RALYL: variants seen among roughly 807,000 people sequenced by gnomAD.
RALYL encodes RNA-binding Raly-like protein.
A neutral mutation model predicts 35.1 loss-of-function variants in RALYL; 29 were observed. That is an observed-to-expected ratio of 0.83 (90% CI 0.61 to 1.13). The LOEUF (loss-of-function observed/expected upper bound fraction) is 1.13, where lower values mean the gene tolerates loss of function less well. Ranked by LOEUF, RALYL falls within the 50% of genes most tolerant of loss-of-function variation. RALYL has a pLI of 0.00. For synonymous variants in RALYL, 120 were observed against 127.6 expected (o/e 0.94, Z 0.40); for missense variants, 359 against 360.4 (o/e 1.00, Z 0.03).
chr8:84,635,913 G>T (rs1824966685), intron 2 of RALYL, among the ~76,000 whole-genome samples: 1 of 151,626 alleles, frequency 6.6e-6, no homozygotes, highest in Admixed American at 6.6e-5. Context: ...AGTATCTTTG[G>T]TTTTCTTAAT....
chr8:84,604,065 GCTTCTTCCACCCTCACAGTTTTAT>G (rs1220179567), intron 2 of RALYL, among the ~76,000 whole-genome samples: 1 of 151,996 alleles, frequency 6.6e-6, no homozygotes, highest in Non-Finnish European at 1.5e-5. Context: ...GCTAATCATA[GCTTCTTCCACCCTCACAGTTTTAT>G]CTTACCAATT....
At chr8:84,860,964 T>G (rs1837984009) in intron 5 of RALYL, among the ~76,000 whole-genome samples, 1 of 152,222 alleles carries the variant, frequency 6.6e-6, no homozygotes, top group Admixed American at 6.5e-5. Context: ...ATCTTAACTT[T>G]TATTATATTT....
chr8:84,250,388 A>G (rs1431255048), intron 1 of RALYL, among the ~76,000 whole-genome samples: 1 of 151,772 alleles, frequency 6.6e-6, no homozygotes, highest in East Asian at 1.9e-4. Context: ...TTTTTGAGAC[A>G]GAGTTTTGCT....
intron 2 of RALYL, among the ~76,000 whole-genome samples, chr8:84,595,598 G>A (rs888024221): frequency 2.6e-5 from 4 of 151,968 alleles, no homozygotes; most frequent in Non-Finnish European, 5.9e-5. Context: ...GAATCTTAAT[G>A]TTAAACAAAA....
chr8:84,628,019 G>A (rs188713344), intron 2 of RALYL, among the ~76,000 whole-genome samples: 1 of 151,996 alleles, frequency 6.6e-6, no homozygotes, highest in East Asian at 1.9e-4. Flanking sequence ...TCTATTCTCT[G>A]GAATCTCAAA....
chr8:84,270,865 C>A (rs1039086240), intron 1 of RALYL, among the ~76,000 whole-genome samples: 37 of 152,002 alleles, frequency 2.4e-4, no homozygotes, highest in Admixed American at 3.3e-4. Flanking sequence ...TAAGGGATCT[C>A]ATGGGATATT....
chr8:84,572,230 T>G (rs553502981), intron 2 of RALYL, among the ~76,000 whole-genome samples: 83 of 151,632 alleles, frequency 5.5e-4, no homozygotes, highest in African/African-American at 1.8e-3. Context: ...GTTGTTTGTT[T>G]TTTGTTTTTG....
At chr8:84,798,246 T>C (rs1318114099) in intron 3 of RALYL, among the ~76,000 whole-genome samples, 1 of 151,946 alleles carries the variant, frequency 6.6e-6, no homozygotes, top group Non-Finnish European at 1.5e-5. Context: ...CTCCAATATA[T>C]CCCAACCTAT....
intron 2 of RALYL, among the ~76,000 whole-genome samples, chr8:84,692,396 A>C (rs10103811): frequency 0.052 from 7,964 of 152,090 alleles, 473 homozygotes; most frequent in African/African-American, 0.14. Context: ...TAGCAATCAA[A>C]CATAGAATAT....
At chr8:84,239,404 AC>A (rs1332946592) in intron 1 of RALYL, among the ~76,000 whole-genome samples, 1 of 152,206 alleles carries the variant, frequency 6.6e-6, no homozygotes, top group African/African-American at 2.4e-5. Context: ...AGAAAAATAT[AC>A]CTCAGTTAAT....
intron 4 of RALYL, among the ~76,000 whole-genome samples, chr8:84,814,004 G>T (rs1018494344): frequency 2.0e-5 from 3 of 150,788 alleles, no homozygotes; most frequent in Non-Finnish European, 4.4e-5. Context: ...GCAGTGCTTG[G>T]TTTTTTATCC....
At chr8:84,229,212 C>T (rs958799494) in intron 1 of RALYL, among the ~76,000 whole-genome samples, 4 of 152,116 alleles carry the variant, frequency 2.6e-5, no homozygotes, top group Non-Finnish European at 1.5e-5. Context: ...TTGATAGACA[C>T]CATGATCAGA....
intron 1 of RALYL, among the ~76,000 whole-genome samples, chr8:84,371,570 C>G (rs1855718348): frequency 2.7e-5 from 4 of 148,164 alleles, no homozygotes; most frequent in African/African-American, 1.0e-4. Context: ...CACACACACA[C>G]ACAGAAAGAG....
chr8:84,617,189 G>A (rs1819955896), intron 2 of RALYL, among the ~76,000 whole-genome samples: 1 of 150,974 alleles, frequency 6.6e-6, no homozygotes, highest in Non-Finnish European at 1.5e-5. Flanking sequence ...GGGCAGTATG[G>A]CCATTTTCAC....
chr8:84,867,846 A>G (rs569207684), intron 6 of RALYL, among the ~76,000 whole-genome samples: 3 of 152,318 alleles, frequency 2.0e-5, no homozygotes, highest in African/African-American at 4.8e-5. Flanking sequence ...CGAAATAGAC[A>G]TGAGCCCTGA....
At chr8:84,708,976 T>G (rs559734390) in intron 2 of RALYL, among the ~76,000 whole-genome samples, 23 of 152,326 alleles carry the variant, frequency 1.5e-4, no homozygotes, top group African/African-American at 5.5e-4. Context: ...CTTATTTTAC[T>G]GAATTGGAAC....
chr8:84,743,641 A>T (rs1242473215), intron 2 of RALYL, among the ~76,000 whole-genome samples: 1 of 152,052 alleles, frequency 6.6e-6, no homozygotes, highest in African/African-American at 2.4e-5. Context: ...CAACCAAGAC[A>T]TCAGGTCACA....
At chr8:84,219,912 A>G (rs1162414973) in intron 1 of RALYL, among the ~76,000 whole-genome samples, 2 of 152,040 alleles carry the variant, frequency 1.3e-5, no homozygotes, top group Non-Finnish European at 2.9e-5. Context: ...AAAAGATTGG[A>G]CAAACATTCT....
chr8:84,708,814 G>T (rs1331997985), intron 2 of RALYL, among the ~76,000 whole-genome samples: 1 of 152,124 alleles, frequency 6.6e-6, no homozygotes, highest in Non-Finnish European at 1.5e-5. Context: ...AAAGACACAT[G>T]AAGGTACATT....
Sources: gnomAD v4.1 joint callset for allele counts (sites outside exome capture counted in the v4.1 genomes callset) on GRCh38, gnomAD v4.1.1 for gene constraint, MANE v1.5 for transcripts, NCBI Gene and HGNC (gene_info 2026-07-23, HGNC 2026-07-21) for gene names.